The following DSCAM variants were observed in gnomAD, a reference collection of about 807,000 sequenced individuals.
The protein encoded by DSCAM is cell adhesion molecule DSCAM.
A neutral mutation model predicts 217.7 loss-of-function variants in DSCAM; 47 were observed. The observed-to-expected ratio is 0.22, with a 90% CI of 0.17 to 0.28. The LOEUF (loss-of-function observed/expected upper bound fraction) is 0.28. Ranked by LOEUF, DSCAM falls within the 10% of genes least tolerant of loss-of-function variation. The pLI is 1.00. For synonymous variants in DSCAM, 1,056 were observed against 1,015.3 expected, an observed-to-expected ratio of 1.04 and a Z score of -0.76; for missense variants, 2,080 against 2,618.3, an observed-to-expected ratio of 0.79 and a Z score of 4.49.
intron 11 of DSCAM, among the ~76,000 whole-genome samples, chr21:40,221,266 A>AG (rs1053888707): frequency 1.3e-5 from 2 of 152,040 alleles, no homozygotes; most frequent in African/African-American, 4.8e-5. Context: ...CACACTACCC[A>AG]GCCTGCAGAG....
chr21:40,642,477 A>G (rs2089894664), intron 3 of DSCAM, among the ~76,000 whole-genome samples: 1 of 152,192 alleles, frequency 6.6e-6, no homozygotes, highest in Admixed American at 6.5e-5. Flanking sequence ...GCTTCCAAAA[A>G]GAGAAATTTT....
intron 3 of DSCAM, among the ~76,000 whole-genome samples, chr21:40,536,400 CTT>C (rs35476225): frequency 1.7e-4 from 22 of 127,704 alleles, no homozygotes; most frequent in Admixed American, 2.4e-4. Context: ...CCGGTAGAGT[CTT>C]TTTTTTTTTT....
chr21:40,591,349 A>T (rs2076983237), intron 3 of DSCAM, among the ~76,000 whole-genome samples: 1 of 152,228 alleles, frequency 6.6e-6, no homozygotes, highest in Non-Finnish European at 1.5e-5. Context: ...TGGGAATTCC[A>T]AGATCAAAAT....
chr21:40,322,439 C>A (rs992323237), intron 8 of DSCAM, among the ~76,000 whole-genome samples: 2 of 152,184 alleles, frequency 1.3e-5, no homozygotes, highest in African/African-American at 4.8e-5. Context: ...TGAACTACAA[C>A]ACAATACACT....
intron 3 of DSCAM, among the ~76,000 whole-genome samples, chr21:40,540,037 T>C (rs2076531384): frequency 6.6e-6 from 1 of 152,204 alleles, no homozygotes; most frequent in Non-Finnish European, 1.5e-5. Flanking sequence ...TGAGTTGCAT[T>C]ATGCATTTGG....
intron 3 of DSCAM, among the ~76,000 whole-genome samples, chr21:40,516,906 T>C (rs75269834): frequency 0.11 from 16,680 of 145,468 alleles, 1,808 homozygotes; most frequent in African/African-American, 0.29. Context: ...TATATATATA[T>C]ACACACACAC....
chr21:40,232,700 A>G (rs1271184999), intron 11 of DSCAM, among the ~76,000 whole-genome samples: 1 of 152,156 alleles, frequency 6.6e-6, no homozygotes, highest in Non-Finnish European at 1.5e-5. Context: ...TTTAGCTGTA[A>G]TTTTTATGAG....
chr21:40,176,836 C>T (rs1468484803), intron 15 of DSCAM, among the ~76,000 whole-genome samples: 2 of 152,322 alleles, frequency 1.3e-5, no homozygotes, highest in South Asian at 2.1e-4. Context: ...CCCTGCAGAC[C>T]AGCACCCCAG....
chr21:40,039,224 G>T (rs1035431795), intron 32 of DSCAM, among the ~76,000 whole-genome samples: 1 of 151,578 alleles, frequency 6.6e-6, no homozygotes, highest in East Asian at 1.9e-4. Context: ...GTCTAACAGG[G>T]GAAACGTGTC....
chr21:40,679,848 C>T (rs1189138695), intron 3 of DSCAM, among the ~76,000 whole-genome samples: 2 of 152,170 alleles, frequency 1.3e-5, no homozygotes, highest in Non-Finnish European at 2.9e-5. Context: ...TTCCCCATGA[C>T]TTCTTCAGCA....
intron 32 of DSCAM, among the ~76,000 whole-genome samples, chr21:40,018,315 TAAAC>T (rs993157826): frequency 6.6e-5 from 10 of 152,286 alleles, no homozygotes; most frequent in African/African-American, 2.2e-4. Flanking sequence ...AAGAATCTGA[TAAAC>T]AAATTGTTAA....
intron 3 of DSCAM, among the ~76,000 whole-genome samples, chr21:40,448,000 G>A (rs2075688771): frequency 6.6e-6 from 1 of 152,128 alleles, no homozygotes. Context: ...ATAAAATTAA[G>A]CATTTCTTGT....
At chr21:40,802,749 CAA>C (rs774308473) in intron 1 of DSCAM, among the ~76,000 whole-genome samples, 8 of 152,210 alleles carry the variant, frequency 5.3e-5, no homozygotes, top group Non-Finnish European at 1.2e-4. Flanking sequence ...CAGGACTCTG[CAA>C]AGGGTCCTCA....
At chr21:40,826,049 T>C (rs1472097055) in intron 1 of DSCAM, among the ~76,000 whole-genome samples, 1 of 152,216 alleles carries the variant, frequency 6.6e-6, no homozygotes, top group African/African-American at 2.4e-5. Flanking sequence ...AAATGTGGGC[T>C]TCCCCAGTTG....
At chr21:40,240,672 C>T (rs1257946758) in intron 11 of DSCAM, among the ~76,000 whole-genome samples, 1 of 152,122 alleles carries the variant, frequency 6.6e-6, no homozygotes, top group Non-Finnish European at 1.5e-5. Flanking sequence ...AGCTCCAATG[C>T]CCCCTCCTTT....
intron 3 of DSCAM, among the ~76,000 whole-genome samples, chr21:40,530,920 A>T (rs200464220): frequency 2.3e-5 from 2 of 88,514 alleles, no homozygotes; most frequent in African/African-American, 1.2e-4. Context: ...CATCCATTCA[A>T]CCATCCATCC....
chr21:40,540,420 T>G (rs1177941192), intron 3 of DSCAM, among the ~76,000 whole-genome samples: 1 of 152,120 alleles, frequency 6.6e-6, no homozygotes, highest in Non-Finnish European at 1.5e-5. Flanking sequence ...CGATGTTAAT[T>G]ACCCACATCT....
intron 1 of DSCAM, among the ~76,000 whole-genome samples, chr21:40,748,343 C>CAAAAAAAA (rs35073664): frequency 6.7e-6 from 1 of 148,598 alleles, no homozygotes; most frequent in Non-Finnish European, 1.5e-5. Flanking sequence ...AAGACTCCAT[C>CAAAAAAAA]AAAAAAAAAA....
intron 3 of DSCAM, among the ~76,000 whole-genome samples, chr21:40,456,629 G>A (rs2075765749): frequency 6.6e-6 from 1 of 151,812 alleles, no homozygotes; most frequent in African/African-American, 2.4e-5. Context: ...ATTGCTATCT[G>A]AAAATTATTG....
Sources: allele counts gnomAD v4.1 joint callset (sites outside exome capture counted in the v4.1 genomes callset), GRCh38; gene constraint gnomAD v4.1.1; transcripts MANE v1.5; gene names NCBI Gene and HGNC (gene_info 2026-07-23, HGNC 2026-07-21).